Variants in SRRM1 observed in about 807,000 individuals in gnomAD.
The protein encoded by SRRM1 is serine and arginine repetitive matrix 1, also known as serine/arginine repetitive matrix protein 1.
SRRM1 carries 19 observed loss-of-function variants against 110.2 expected under a neutral mutation model. That is an observed-to-expected ratio of 0.17 (90% CI 0.12 to 0.25). The LOEUF (loss-of-function observed/expected upper bound fraction) is 0.25. SRRM1 is among the 10% of genes least tolerant of loss of function. The pLI, the probability that SRRM1 is intolerant of heterozygous loss-of-function variation, is 1.00. For missense variants in SRRM1, 918 were observed against 1,145.8 expected, an observed-to-expected ratio of 0.80 and a Z score of 2.87; for synonymous variants, 443 against 414.9, an observed-to-expected ratio of 1.07 and a Z score of -0.82.
At chr1:24,643,578 C>T (rs1022283307) in intron 1 of SRRM1, 1 of 408,014 alleles carries the variant, frequency 2.5e-6, no homozygotes, top group Non-Finnish European at 4.3e-6. Flanking sequence ...CGACGGTGGC[C>T]GGAAAATGGC....
rs766183066 is a variant in SRRM1, at chr1:24,660,718, G to A, written c.1316-1G>A. 6.5e-7 allele frequency: 1 copy of A among 1,539,950 alleles called. No individual in the cohort carries two copies. Among genetic ancestry groups the A allele is most frequent in the South Asian group, 1.3e-5 (1 of 78,466 alleles). On this transcript the variant is annotated splice_acceptor_variant, in intron 9 of 16. Coordinates refer to ENST00000323848, the MANE Select transcript of SRRM1 (RefSeq NM_005839.4). LOFTEE classifies it high-confidence loss of function. ...TTTTTTCCACTCTTATTCTTTTTTAGTGACAAAACATAAAGGTACTGAGAA... is the reference window on the plus strand; with the variant it reads ...TTTTTTCCACTCTTATTCTTTTTTAATGACAAAACATAAAGGTACTGAGAA...
intron 12 of SRRM1, 173 bp downstream of exon 12, chr1:24,662,977 T>C: frequency 9.9e-7 from 1 of 1,008,732 alleles, no homozygotes; most frequent in East Asian, 2.6e-5. Flanking sequence ...TTGGTGGTTA[T>C]TAATAATTAA....
intron 12 of SRRM1, among the ~76,000 whole-genome samples, chr1:24,664,529 T>A (rs115962149): frequency 6.6e-6 from 1 of 152,208 alleles, no homozygotes; most frequent in African/African-American, 2.4e-5. Flanking sequence ...TAGCTGCCAC[T>A]GAATTTTGAA....
intron 8 of SRRM1, chr1:24,654,488 T>C: frequency 1.4e-6 from 1 of 701,994 alleles, no homozygotes; most frequent in Non-Finnish European, 2.1e-6. Flanking sequence ...AACATTGTGT[T>C]ATTAAATGGA....
intron 16 of SRRM1, 112 bp from the exon 17 acceptor site, chr1:24,672,070 C>A (rs1436645283): frequency 1.0e-5 from 8 of 789,520 alleles, no homozygotes; most frequent in Non-Finnish European, 1.4e-5. Context: ...CCCCCTACCC[C>A]ACAACAGTCC....
Position 24,669,478 on chromosome 1 carries a change from C to A in SRRM1, c.2095C>A (p.Pro699Thr). ...RAPQTSSSPP[P>T]VRRGASSSPQ... ...TCCTCAGACCTCCTCAAGTCCTCCACCCGTTCGAAGAGGAGCGTCGTCATC... is the reference window on the plus strand; with the variant it reads ...TCCTCAGACCTCCTCAAGTCCTCCAACCGTTCGAAGAGGAGCGTCGTCATC... The change falls in exon 14 of 17, where the codon CCC becomes ACC. Residue 699 changes from proline (P) to threonine (T), a missense_variant. This residue lies in a region of SRRM1 where 357 missense variants were observed against 402.9 expected (regional missense o/e 0.89). Transcript: ENST00000323848. The A allele has an allele frequency of 6.2e-7, 1 of 1,613,494 alleles. No individual in the cohort carries two copies. Among genetic ancestry groups the A allele is most frequent in the Non-Finnish European group, 8.5e-7 (1 of 1,179,748 alleles).
intron 9 of SRRM1, among the ~76,000 whole-genome samples, chr1:24,658,654 C>T (rs1026011306): frequency 3.3e-5 from 5 of 152,048 alleles, no homozygotes; most frequent in African/African-American, 9.7e-5. Context: ...TTTTTAACGA[C>T]GTGCCCATAA....
At chr1:24,647,593 A>G (rs1658315131) in intron 3 of SRRM1, 2 of 152,680 alleles carry the variant, frequency 1.3e-5, no homozygotes, top group South Asian at 4.1e-4. Context: ...GATATGTACC[A>G]TATGACCTTT....
chr1:24,666,897 A>G lies in SRRM1; in HGVS notation c.1711A>G (p.Arg571Gly), dbSNP rs1415397357. The change falls in exon 13 of 17, where the codon AGG becomes GGG. Residue 571 changes from arginine to glycine, a missense_variant. By Grantham distance (125) the Arg-to-Gly change is moderately radical (BLOSUM62 -2). Around this residue, in one of 5 missense-constraint regions of SRRM1, gnomAD observed 357 missense variants for 402.9 expected, o/e 0.89. Coordinates refer to ENST00000323848, the MANE Select transcript of SRRM1 (RefSeq NM_005839.4). Reference protein sequence around the residue: ...PSPAPPPRRRRTPTPPPRRRT... With the variant: ...PSPAPPPRRRGTPTPPPRRRT... ...TCCCGCCCCTCCTCCTCGACGGCGC[A>G]GGACTCCCACACCACCACCACGACG... 1 of 1,610,934 alleles carries G rather than the reference A, an allele frequency of 6.2e-7. No individual in the cohort carries two copies. The highest frequency in any genetic ancestry group is 8.5e-7 in the Non-Finnish European group (1 of 1,179,012).
intron 1 of SRRM1, chr1:24,643,724 A>G (rs1331156298): frequency 1.5e-5 from 4 of 272,670 alleles, no homozygotes; most frequent in Non-Finnish European, 2.7e-5. Context: ...GCCAAAGGAA[A>G]GCCCTAAGGT....
rs1462497345 is a variant in SRRM1, at chr1:24,643,306, A to G, written c.-21A>G. On this transcript the variant is annotated 5_prime_UTR_variant, in exon 1 of 17. Coordinates refer to ENST00000323848, the MANE Select transcript of SRRM1 (RefSeq NM_005839.4). The stretch of plus-strand genomic sequence containing the variant: ...GCGGTGTACCCTGGGATAGGGAGCG[A>G]TCTCCGAGCGAGGCGGCAAGATGGA... The G allele has an allele frequency of 1.3e-6, 2 of 1,564,624 alleles. No homozygotes were observed. Among genetic ancestry groups the G allele is most frequent in the Non-Finnish European group, 1.7e-6 (2 of 1,159,768 alleles).
intron 12 of SRRM1, 199 bp from the exon 13 acceptor site, chr1:24,666,616 T>G: frequency 2.1e-6 from 1 of 475,396 alleles, no homozygotes; most frequent in Non-Finnish European, 3.9e-6. Flanking sequence ...TTTTAAAAAA[T>G]TAGCCAGGCA....
intron 11 of SRRM1, 116 bp from the exon 12 acceptor site, chr1:24,662,544 G>T: frequency 1.2e-6 from 1 of 835,364 alleles, no homozygotes. Flanking sequence ...CAGAACTGAT[G>T]GCCTGTATAC....
Position 24,648,954 on chromosome 1 carries a change from A to G in SRRM1, c.330A>G (p.Leu110=), listed in dbSNP as rs765057408. 3 of 1,613,982 alleles carry G rather than the reference A, an allele frequency of 1.9e-6. No individual in the cohort carries two copies. The highest frequency in any genetic ancestry group is 2.5e-6 in the Non-Finnish European group (3 of 1,179,886). The change falls in exon 4 of 17, where the codon CTA becomes CTG. Residue 110 remains leucine (L), a synonymous_variant. Coordinates refer to ENST00000323848, the MANE Select transcript of SRRM1 (RefSeq NM_005839.4). ...TGGGAGAACTGTGGCCCCTGCTGCT[A>G]AGTGCACAAGAAAACATCGCGGGAA... ...EFMGELWPLL[L]SAQENIAGIP...
In SRRM1 at chr1:24,661,496, T is replaced by C. The variant is rs529132423; in HGVS notation, c.1483+100T>C. ...TGTGCAGCATGAGTACTTACTTGCC[T>C]ACATAGAAATCTGTCTGAGGAGGCA... On this transcript the variant is annotated intron_variant, in intron 11 of 16. Coordinates refer to ENST00000323848, the MANE Select transcript of SRRM1 (RefSeq NM_005839.4). The C allele has an allele frequency of 5.7e-4, 450 of 792,528 alleles. 3 individuals carry two copies. The highest frequency in any genetic ancestry group is 7.3e-4 in the Non-Finnish European group (378 of 515,418). The allele number at this position is 792,528 out of a possible 1,614,324, so 49.1% of individuals were successfully genotyped here.
intron 9 of SRRM1, among the ~76,000 whole-genome samples, chr1:24,657,115 C>CT (rs1408010258): frequency 8.5e-5 from 13 of 152,160 alleles, no homozygotes; most frequent in Non-Finnish European, 1.6e-4. Context: ...GCATCTCACT[C>CT]TGTCACTCGG....
chr1:24,649,294 C>T (rs1343449301), intron 4 of SRRM1, among the ~76,000 whole-genome samples: 1 of 152,154 alleles, frequency 6.6e-6, no homozygotes, highest in Non-Finnish European at 1.5e-5. Context: ...TTGAATTTAA[C>T]ACTGAAAGGT....
At chr1:24,648,702 G>C (rs1658857244) in intron 3 of SRRM1, 157 bp from the exon 4 acceptor site, 1 of 599,358 alleles carries the variant, frequency 1.7e-6, no homozygotes, top group Non-Finnish European at 2.9e-6. Flanking sequence ...GAAGCTACTA[G>C]GGAAGACTAT....
chr1:24,672,153 C>G, intron 16 of SRRM1, 29 bp from the exon 17 acceptor site: 2 of 1,552,818 alleles, frequency 1.3e-6, no homozygotes, highest in East Asian at 2.3e-5. Flanking sequence ...GGTCTCAAGA[C>G]TTAACCGTGT....
Sources: gnomAD v4.1 joint callset for allele counts (sites outside exome capture counted in the v4.1 genomes callset) on GRCh38, gnomAD v4.1.1 for gene constraint, gnomAD v4.1.1 regional missense constraint, MANE v1.5 for transcripts, NCBI Gene and HGNC (gene_info 2026-07-23, HGNC 2026-07-21) for gene names.